Variants in TRABD2B observed in about 807,000 individuals in gnomAD.
TRABD2B encodes TraB domain containing 2B, also known as metalloprotease TIKI2.
TRABD2B carries 14 observed loss-of-function variants against 40.1 expected under a neutral mutation model. The observed-to-expected ratio is 0.35, with a 90% CI of 0.23 to 0.55. The LOEUF (loss-of-function observed/expected upper bound fraction) is 0.55. Among genes scored for constraint, TRABD2B ranks in the 20% least tolerant of loss-of-function variants. TRABD2B has a pLI of 0.90. For missense variants in TRABD2B, 541 were observed against 648.6 expected, an observed-to-expected ratio of 0.83 and a Z score of 1.80; for synonymous variants, 263 against 277.0, an observed-to-expected ratio of 0.95 and a Z score of 0.50.
chr1:47,990,213 C>T (rs76349883), intron 2 of TRABD2B, among the ~76,000 whole-genome samples: 4,840 of 152,238 alleles, frequency 0.032, 273 homozygotes, highest in African/African-American at 0.11. Flanking sequence ...ATAGCAGAGT[C>T]CTTGTTTTCT....
intron 2 of TRABD2B, among the ~76,000 whole-genome samples, chr1:47,978,187 G>T (rs922875291): frequency 6.6e-6 from 1 of 152,054 alleles, no homozygotes; most frequent in Non-Finnish European, 1.5e-5. Flanking sequence ...GGGACTGAAG[G>T]GGCCATAGTT....
At chr1:47,874,252 A>ATTTTTTTTTTTTT (rs61411862) in intron 2 of TRABD2B, among the ~76,000 whole-genome samples, 7 of 90,518 alleles carry the variant, frequency 7.7e-5, no homozygotes, top group African/African-American at 1.4e-4. Context: ...TGATTAATTA[A>ATTTTTTTTTTTTT]TTTTTTTTTT....
At chr1:47,776,061 A>G (rs1182190705) in intron 5 of TRABD2B, among the ~76,000 whole-genome samples, 1 of 152,076 alleles carries the variant, frequency 6.6e-6, no homozygotes, top group Admixed American at 6.5e-5. Flanking sequence ...TGCAGACTCT[A>G]TCTCACAGGG....
chr1:47,930,989 G>T (rs1645033014), intron 2 of TRABD2B, among the ~76,000 whole-genome samples: 1 of 152,178 alleles, frequency 6.6e-6, no homozygotes. Flanking sequence ...ATTCCAGAAT[G>T]TGGGCATCTG....
At chr1:47,969,414 A>T (rs1645649203) in intron 2 of TRABD2B, among the ~76,000 whole-genome samples, 1 of 152,198 alleles carries the variant, frequency 6.6e-6, no homozygotes, top group African/African-American at 2.4e-5. Flanking sequence ...AGATGAGACC[A>T]CCACTCACAA....
In TRABD2B at chr1:47,765,001, G is replaced by GTC. The variant is rs1644285113; in HGVS notation, c.*899_*900dup. On this transcript the variant is annotated 3_prime_UTR_variant, in exon 7 of 7. Coordinates refer to ENST00000606738, the MANE Select transcript of TRABD2B (RefSeq NM_001194986.2). ...AACATCATGTGAGGCCTAAGCCCCT[G>GTC]TCTCTAAAACTGCCCTCCTGTGCCC... 6.6e-6 allele frequency: 1 copy of GTC among 152,198 alleles called. No individual in the cohort carries two copies. Among genetic ancestry groups the GTC allele is most frequent in the Non-Finnish European group, 1.5e-5 (1 of 68,056 alleles). The allele number at this position is 152,198 out of a possible 1,614,324, so 9.4% of individuals were successfully genotyped here. A position where few individuals can be genotyped will look rare whatever the true frequency, so the allele number is the denominator to read the frequency against.
chr1:47,853,802 A>G (rs80230033), intron 2 of TRABD2B, among the ~76,000 whole-genome samples: 3,586 of 152,290 alleles, frequency 0.024, 114 homozygotes, highest in Admixed American at 0.094. Context: ...AACCATAACA[A>G]GACTTCTAAC....
chr1:47,977,571 G>A (rs988626875), intron 2 of TRABD2B, among the ~76,000 whole-genome samples: 1 of 151,842 alleles, frequency 6.6e-6, no homozygotes, highest in Non-Finnish European at 1.5e-5. Flanking sequence ...GAGGCACTCA[G>A]AGAAGGAATC....
chr1:47,866,204 G>T (rs1261766686), intron 2 of TRABD2B, among the ~76,000 whole-genome samples: 1 of 151,724 alleles, frequency 6.6e-6, no homozygotes, highest in Non-Finnish European at 1.5e-5. Context: ...GAACAAGCAG[G>T]AACGAGCAGA....
At chr1:47,982,232 T>C (rs1401520380) in intron 2 of TRABD2B, among the ~76,000 whole-genome samples, 3 of 152,170 alleles carry the variant, frequency 2.0e-5, no homozygotes, top group East Asian at 3.9e-4. Flanking sequence ...CCATCTTTTG[T>C]ACAGAATGGG....
intron 3 of TRABD2B, among the ~76,000 whole-genome samples, chr1:47,797,406 C>T (rs1219683972): frequency 6.6e-6 from 1 of 152,110 alleles, no homozygotes; most frequent in Non-Finnish European, 1.5e-5. Context: ...TGGCTCTGAA[C>T]CATTGGAGAG....
At chr1:47,901,891 G>A (rs559345455) in intron 2 of TRABD2B, among the ~76,000 whole-genome samples, 1 of 152,220 alleles carries the variant, frequency 6.6e-6, no homozygotes, top group South Asian at 2.1e-4. Context: ...TCACAGAGGA[G>A]GTGACATTGA....
chr1:47,949,739 G>T (rs531155153), intron 2 of TRABD2B, among the ~76,000 whole-genome samples: 11 of 151,874 alleles, frequency 7.2e-5, no homozygotes, highest in African/African-American at 2.7e-4. Context: ...ATGGTTCTTC[G>T]GATCTGTGTC....
At chr1:47,960,201 G>A (rs1380122518) in intron 2 of TRABD2B, among the ~76,000 whole-genome samples, 1 of 152,116 alleles carries the variant, frequency 6.6e-6, no homozygotes, top group Non-Finnish European at 1.5e-5. Flanking sequence ...ACTAGGTATT[G>A]ATGGGACGTA....
At chr1:47,872,025 G>T (rs1644148852) in intron 2 of TRABD2B, among the ~76,000 whole-genome samples, 1 of 152,192 alleles carries the variant, frequency 6.6e-6, no homozygotes, top group East Asian at 1.9e-4. Context: ...CTATTAATGA[G>T]CCATTGAACT....
chr1:47,910,473 C>T (rs1438847280), intron 2 of TRABD2B, among the ~76,000 whole-genome samples: 1 of 152,136 alleles, frequency 6.6e-6, no homozygotes, highest in East Asian at 1.9e-4. Context: ...AATTAACCAA[C>T]AAAGTTCTAG....
chr1:47,772,024 G>A (rs750854223), intron 6 of TRABD2B, among the ~76,000 whole-genome samples: 10 of 151,978 alleles, frequency 6.6e-5, no homozygotes, highest in East Asian at 2.0e-4. Flanking sequence ...CTGTGCTACT[G>A]TGTCAGGACA....
chr1:47,902,926 C>T (rs930412807), intron 2 of TRABD2B, among the ~76,000 whole-genome samples: 7 of 152,168 alleles, frequency 4.6e-5, no homozygotes, highest in Admixed American at 3.3e-4. Context: ...TTTGACAGCA[C>T]AGGTCTAGTC....
intron 2 of TRABD2B, among the ~76,000 whole-genome samples, chr1:47,964,306 G>T (rs193237293): frequency 4.1e-4 from 63 of 152,296 alleles, no homozygotes; most frequent in African/African-American, 1.5e-3. Context: ...GGCTTAGCAG[G>T]TTCCAGACCC....
Sources: gnomAD v4.1 joint callset for allele counts (sites outside exome capture counted in the v4.1 genomes callset) on GRCh38, gnomAD v4.1.1 for gene constraint, MANE v1.5 for transcripts, NCBI Gene and HGNC (gene_info 2026-07-23, HGNC 2026-07-21) for gene names.